The following HPSE2 variants were observed in gnomAD, a reference collection of about 807,000 sequenced individuals.
HPSE2 encodes the protein inactive heparanase-2.
HPSE2 carries 38 observed loss-of-function variants against 60.5 expected under a neutral mutation model. The observed-to-expected ratio is 0.63, with a 90% CI of 0.48 to 0.82. HPSE2 has a LOEUF of 0.82. Among genes scored for constraint, HPSE2 ranks in the 40% least tolerant of loss-of-function variants. The pLI is 0.00. For synonymous variants in HPSE2, 295 were observed against 293.2 expected (o/e 1.01, Z -0.06); for missense variants, 713 against 740.4 (o/e 0.96, Z 0.43).
At chr10:99,170,348 C>G (rs1477958131) in intron 2 of HPSE2, among the ~76,000 whole-genome samples, 1 of 152,180 alleles carries the variant, frequency 6.6e-6, no homozygotes, top group Non-Finnish European at 1.5e-5. Context: ...CATGAATATT[C>G]AAGTCTGCTC....
chr10:99,305,979 G>GCACACACACACACACACACACACA, the HPSE2 span, among the ~76,000 whole-genome samples: 300 of 80,512 alleles, frequency 3.7e-3, 10 homozygotes, highest in African/African-American at 0.013. Flanking sequence ...GCGCGCGCGC[G>GCACACACACACACACACACACACA]CACACACACA....
intron 3 of HPSE2, among the ~76,000 whole-genome samples, chr10:99,095,674 T>C (rs1468481395): frequency 5.9e-5 from 9 of 152,236 alleles, no homozygotes; most frequent in African/African-American, 1.7e-4. Flanking sequence ...GTGAGTGGCA[T>C]AGCACAATGT....
chr10:98,698,392 T>G (rs1175630067), intron 5 of HPSE2, among the ~76,000 whole-genome samples: 1 of 151,108 alleles, frequency 6.6e-6, no homozygotes, highest in Non-Finnish European at 1.5e-5. Context: ...GAATGACTAC[T>G]GGGTACATAA....
Position 99,144,342 on chromosome 10 carries a change from T to C in HPSE2, c.506A>G (p.His169Arg), listed in dbSNP as rs577648662. The part of the protein sequence containing the change: ...DKQKGCKIAQ[H>R]PDVMLELQRE... ...TTGGAGCTCCAGCATAACATCAGGG[T>C]GCTGGGCAATCTTGCAGCCTTTCTG... is the stretch of plus-strand genomic sequence containing the variant. Residue 169 changes from histidine (H) to arginine (R), a missense_variant, in exon 3 of 12, where the codon CAC (histidine) becomes CGC (arginine). Coordinates refer to ENST00000370552, the MANE Select transcript of HPSE2 (RefSeq NM_021828.5). 3 of 1,614,096 alleles carry C rather than the reference T, an allele frequency of 1.9e-6. No individual in the cohort carries two copies. The highest frequency in any genetic ancestry group is 2.5e-6 in the Non-Finnish European group (3 of 1,180,010).
chr10:98,873,213 CTTT>C (rs1454541296), intron 3 of HPSE2, among the ~76,000 whole-genome samples: 1 of 151,980 alleles, frequency 6.6e-6, no homozygotes, highest in African/African-American at 2.4e-5. Context: ...ACTCTAGTTT[CTTT>C]TTTTAATTTG....
chr10:98,587,591 A>T (rs1944973250), intron 9 of HPSE2, among the ~76,000 whole-genome samples: 1 of 152,180 alleles, frequency 6.6e-6, no homozygotes, highest in Non-Finnish European at 1.5e-5. Context: ...AATTCAAGTT[A>T]CCAAACAATG....
intron 2 of HPSE2, among the ~76,000 whole-genome samples, chr10:99,209,039 T>C (rs957778169): frequency 6.6e-6 from 1 of 152,094 alleles, no homozygotes; most frequent in South Asian, 2.1e-4. Context: ...GATAGACAAA[T>C]ACAATAATAG....
intron 3 of HPSE2, among the ~76,000 whole-genome samples, chr10:98,746,961 T>C (rs1949644632): frequency 6.6e-6 from 1 of 152,002 alleles, no homozygotes; most frequent in South Asian, 2.1e-4. Context: ...ACACTGGCAA[T>C]ATTGGATAAT....
At chr10:98,672,429 T>C (rs1295517877) in intron 6 of HPSE2, among the ~76,000 whole-genome samples, 1 of 152,228 alleles carries the variant, frequency 6.6e-6, no homozygotes, top group Non-Finnish European at 1.5e-5. Flanking sequence ...CATTTGTTTA[T>C]GTTTGCTTTT....
chr10:98,748,085 A>T (rs1354301744), intron 3 of HPSE2, among the ~76,000 whole-genome samples: 1 of 152,060 alleles, frequency 6.6e-6, no homozygotes, highest in East Asian at 1.9e-4. Context: ...AATCATCTGA[A>T]GTCAGGAGTT....
chr10:98,503,650 G>C (rs1942101740), intron 9 of HPSE2, among the ~76,000 whole-genome samples: 1 of 152,162 alleles, frequency 6.6e-6, no homozygotes, highest in African/African-American at 2.4e-5. Context: ...TAAAGAAACT[G>C]TGGTATATTT....
intron 3 of HPSE2, among the ~76,000 whole-genome samples, chr10:98,843,077 G>A (rs1021833707): frequency 2.6e-5 from 4 of 151,800 alleles, no homozygotes; most frequent in Non-Finnish European, 5.9e-5. Flanking sequence ...ACATATTCAC[G>A]TTTGTTATAC....
At chr10:98,791,342 T>A (rs897247590) in intron 3 of HPSE2, among the ~76,000 whole-genome samples, 1 of 152,152 alleles carries the variant, frequency 6.6e-6, no homozygotes, top group Admixed American at 6.6e-5. Flanking sequence ...TGATGACTGA[T>A]GAGTTTCAAG....
chr10:98,755,003 A>T (rs1419335761), intron 3 of HPSE2, among the ~76,000 whole-genome samples: 1 of 43,494 alleles, frequency 2.3e-5, no homozygotes, highest in Non-Finnish European at 1.0e-4. Context: ...ACAAGATGAC[A>T]GGATCAAATC....
chr10:98,822,465 G>C (rs1419193965), intron 3 of HPSE2, among the ~76,000 whole-genome samples: 1 of 152,070 alleles, frequency 6.6e-6, no homozygotes. Context: ...ACTGCTTATA[G>C]AGAAAATGAA....
intron 9 of HPSE2, among the ~76,000 whole-genome samples, chr10:98,593,429 C>T (rs1482437202): frequency 6.7e-6 from 1 of 150,200 alleles, no homozygotes; most frequent in African/African-American, 2.5e-5. Flanking sequence ...ATTATGTAGG[C>T]AAAGGGGATC....
upstream of HPSE2, among the ~76,000 whole-genome samples, chr10:99,239,305 G>C (rs180807417): frequency 6.6e-5 from 10 of 151,678 alleles, no homozygotes; most frequent in South Asian, 2.1e-4. Context: ...AAGAGCCCAG[G>C]TTCCCAGAAC....
At chr10:99,314,724 C>A in the HPSE2 span, among the ~76,000 whole-genome samples, 3 of 151,986 alleles carry the variant, frequency 2.0e-5, no homozygotes, top group Non-Finnish European at 4.4e-5. Flanking sequence ...AAAATAAATC[C>A]TTTTTATTTT....
intron 9 of HPSE2, among the ~76,000 whole-genome samples, chr10:98,598,288 G>A (rs1340915472): frequency 1.3e-5 from 2 of 151,962 alleles, no homozygotes; most frequent in African/African-American, 4.8e-5. Context: ...TGGGCTTGCT[G>A]CTGGAGTCTT....
Sources: allele counts gnomAD v4.1 joint callset (sites outside exome capture counted in the v4.1 genomes callset), GRCh38; gene constraint gnomAD v4.1.1; transcripts MANE v1.5; gene names NCBI Gene and HGNC (gene_info 2026-07-23, HGNC 2026-07-21).